Variants in GAS2 observed in about 807,000 individuals in gnomAD.
GAS2 encodes growth arrest specific 2.
GAS2 carries 20 observed loss-of-function variants against 37.5 expected under a neutral mutation model. The observed-to-expected ratio is 0.53, with a 90% CI of 0.37 to 0.77. The LOEUF is 0.77. Ranked by LOEUF, GAS2 falls within the 30% of genes least tolerant of loss-of-function variation. The pLI is 0.00. For missense variants in GAS2, 336 were observed against 373.4 expected (o/e 0.90, Z 0.82); for synonymous variants, 144 against 132.2 (o/e 1.09, Z -0.61).
intron 3 of GAS2, among the ~76,000 whole-genome samples, chr11:22,717,663 G>A (rs116337672): frequency 0.011 from 1,606 of 151,900 alleles, 23 homozygotes; most frequent in African/African-American, 0.037. Context: ...AGCAAAATAA[G>A]CAATCACCAG....
At chr11:22,798,246 T>G (rs1401021526) in intron 7 of GAS2, among the ~76,000 whole-genome samples, 4 of 152,066 alleles carry the variant, frequency 2.6e-5, no homozygotes, top group African/African-American at 9.7e-5. Context: ...CACAACATTA[T>G]TATTTAAAAA....
At chr11:22,643,491 A>G (rs1848653473) in intron 1 of GAS2, among the ~76,000 whole-genome samples, 1 of 151,888 alleles carries the variant, frequency 6.6e-6, no homozygotes. Context: ...AGAAGGGACA[A>G]CAATGGCAAT....
In GAS2 at chr11:22,758,433, T is replaced by G. The variant is rs1485381746; in HGVS notation, c.723+2480T>G. Among the ~76,000 whole-genome samples, 4 of 152,220 alleles carry G rather than the reference T, an allele frequency of 2.6e-5. No individual in the cohort carries two copies. The East Asian group carries it at 7.7e-4, about 29-fold the overall frequency. ...AGTATACATACAATGACACATACAT[T>G]GTGTCTTAACATTTGTCCCCTAGTT... On this transcript the variant is annotated intron_variant, in intron 7 of 7. Coordinates refer to ENST00000454584, the MANE Select transcript of GAS2 (RefSeq NM_001143830.3).
At position 22,658,384 on chromosome 11, in the gene GAS2, C is replaced by T. The variant is rs374970092; in HGVS notation, c.-20-16466C>T. On this transcript the variant is annotated intron_variant, in intron 1 of 5. Transcript: ENST00000528582. ...TTTACCCTCTTCCTGTGCCCACTGA[C>T]CACACAATAGATCCCTCTAGATATC... 5.9e-5 allele frequency among the ~76,000 whole-genome samples: 9 copies of T among 152,174 alleles called. No homozygotes were observed. In the East Asian group the frequency reaches 1.2e-3, roughly 20 times the overall value.
intron 3 of GAS2, among the ~76,000 whole-genome samples, chr11:22,694,768 T>C (rs1330097366): frequency 6.6e-6 from 1 of 152,170 alleles, no homozygotes. Flanking sequence ...TAAATTAATT[T>C]TGCTGAATCT....
At chr11:22,678,621 C>T (rs1849543380) in intron 2 of GAS2, among the ~76,000 whole-genome samples, 1 of 151,814 alleles carries the variant, frequency 6.6e-6, no homozygotes, top group Non-Finnish European at 1.5e-5. Flanking sequence ...TTCTAGTATG[C>T]TTGTCTAAAA....
chr11:22,806,346 C>T (rs111783228), intron 7 of GAS2, among the ~76,000 whole-genome samples: 23 of 152,228 alleles, frequency 1.5e-4, no homozygotes, highest in African/African-American at 5.1e-4. Flanking sequence ...CCCATTCATC[C>T]ATTAACGGAC....
intron 6 of GAS2, 76 bp from the exon 7 acceptor site, chr11:22,755,770 C>A: frequency 1.0e-6 from 1 of 967,054 alleles, no homozygotes; most frequent in Non-Finnish European, 1.6e-6. Flanking sequence ...GTTCAGGGGC[C>A]GTGGAGTCCT....
chr11:22,715,633 T>G lies in GAS2; in HGVS notation c.268-10659T>G, dbSNP rs182282203. Among the ~76,000 whole-genome samples, 1,033 of 151,946 alleles carry G rather than the reference T, an allele frequency of 6.8e-3. 10 individuals are homozygous for G. Among genetic ancestry groups the G allele is most frequent in the Middle Eastern group, 0.017 (5 of 294 alleles). ...TAAATTCCTGGAAATATACAACCCT[T>G]GTAGATTAAACCAGGAAGAAATAGA... On this transcript the variant is annotated intron_variant, in intron 3 of 7. Transcript: ENST00000454584.
chr11:22,694,811 C>T (rs1159606828), intron 3 of GAS2, among the ~76,000 whole-genome samples: 1 of 152,022 alleles, frequency 6.6e-6, no homozygotes, highest in Non-Finnish European at 1.5e-5. Context: ...AGACTAATAC[C>T]CTCAAAATCT....
At chr11:22,682,888 G>GAAAAAAAAAAAAAAAAAAAGAAA (rs57025584) in intron 2 of GAS2, among the ~76,000 whole-genome samples, 1 of 102,362 alleles carries the variant, frequency 9.8e-6, no homozygotes, top group African/African-American at 3.3e-5. Flanking sequence ...AAAAAAAAAG[G>GAAAAAAAAAAAAAAAAAAAGAAA]AAAAAAAAAA....
At chr11:22,710,758 A>G (rs1174991447) in intron 3 of GAS2, among the ~76,000 whole-genome samples, 1 of 152,070 alleles carries the variant, frequency 6.6e-6, no homozygotes, top group Admixed American at 6.6e-5. Context: ...CTGTCTTATC[A>G]CTCAGCTGTG....
chr11:22,643,554 A>C (rs1405942961), intron 1 of GAS2, among the ~76,000 whole-genome samples: 1 of 152,036 alleles, frequency 6.6e-6, no homozygotes, highest in Non-Finnish European at 1.5e-5. Context: ...GATCACCCAC[A>C]TATCTTCTGT....
intron 4 of GAS2, among the ~76,000 whole-genome samples, chr11:22,727,005 A>G (rs1191748976): frequency 2.0e-5 from 3 of 152,142 alleles, no homozygotes; most frequent in African/African-American, 2.4e-5. Flanking sequence ...GCCTACACCT[A>G]CTGAGATAAC....
At chr11:22,699,015 C>A (rs998690944) in intron 3 of GAS2, among the ~76,000 whole-genome samples, 2 of 151,866 alleles carry the variant, frequency 1.3e-5, no homozygotes, top group Non-Finnish European at 2.9e-5. Context: ...AGGAAAGCAC[C>A]CAAATAAAAT....
In GAS2 at chr11:22,674,879, G is replaced by T; in HGVS notation, c.10G>T (p.Ala4Ser). The stretch of plus-strand genomic sequence containing the variant: ...TACAAGTGGATAAATAATGTGCACT[G>T]CTCTGAGCCCAAAGGTACGCAGTGG... MCTALSPKVRSGPG... is the reference protein window; with the variant it reads MCTSLSPKVRSGPG... The change falls in exon 2 of 8, where the codon GCT becomes TCT. Residue 4 changes from alanine (A) to serine (S), a missense_variant. Ala to Ser is a moderately conservative substitution (Grantham distance 99). Transcript: ENST00000454584. The T allele has an allele frequency of 6.2e-7, 1 of 1,610,412 alleles. No homozygotes were observed. The highest frequency in any genetic ancestry group is 1.3e-5 in the African/African-American group (1 of 74,878).
intron 1 of GAS2, among the ~76,000 whole-genome samples, chr11:22,633,845 G>GAC (rs1415752592): frequency 1.3e-5 from 2 of 152,154 alleles, no homozygotes; most frequent in East Asian, 3.9e-4. Flanking sequence ...TGTAGAAAAG[G>GAC]ACTATGACTC....
At chr11:22,802,916 T>A (rs1408604047) in intron 7 of GAS2, among the ~76,000 whole-genome samples, 1 of 152,122 alleles carries the variant, frequency 6.6e-6, no homozygotes, top group African/African-American at 2.4e-5. Context: ...TTCAGTACAG[T>A]AATTTGCTGT....
downstream of GAS2, chr11:22,813,028 T>C (rs1403162199): frequency 6.6e-6 from 1 of 152,628 alleles, no homozygotes; most frequent in African/African-American, 2.4e-5. Flanking sequence ...TGCCTCATTC[T>C]GAAATCAAGT....
Sources: allele counts gnomAD v4.1 joint callset (sites outside exome capture counted in the v4.1 genomes callset), GRCh38; gene constraint gnomAD v4.1.1; transcripts MANE v1.5; gene names NCBI Gene and HGNC (gene_info 2026-07-23, HGNC 2026-07-21).